MET: variants seen among roughly 807,000 people sequenced by gnomAD.
The protein encoded by MET is hepatocyte growth factor receptor.
A neutral mutation model predicts 133.1 loss-of-function variants in MET; 48 were observed. That is an observed-to-expected ratio of 0.36 (90% CI 0.29 to 0.46). The LOEUF is 0.46. MET is among the 20% of genes least tolerant of loss of function. MET has a pLI of 1.00. For synonymous variants in MET, 628 were observed against 616.5 expected, an observed-to-expected ratio of 1.02 and a Z score of -0.28; for missense variants, 1,442 against 1,695.9, an observed-to-expected ratio of 0.85 and a Z score of 2.63.
At chr7:116,771,736 G>A (rs2116994231) in intron 13 of MET, 82 bp downstream of exon 13, 2 of 1,607,986 alleles carry the variant, frequency 1.2e-6, no homozygotes, top group South Asian at 2.2e-5. Context: ...CGATTCTTGT[G>A]TGCTGTCTTA....
intron 2 of MET, among the ~76,000 whole-genome samples, chr7:116,707,021 T>G (rs928284514): frequency 6.6e-6 from 1 of 152,056 alleles, no homozygotes; most frequent in African/African-American, 2.4e-5. Flanking sequence ...GTGAATTACT[T>G]GCTGAGCCAT....
At position 116,679,326 on chromosome 7, in the gene MET, C is replaced by T. The variant is rs544137936; in HGVS notation, c.-15+6749C>T. 1.6e-4 allele frequency among the ~76,000 whole-genome samples: 25 copies of T among 152,134 alleles called. 1 individual carries two copies. The highest frequency in any genetic ancestry group is 2.1e-4 in the South Asian group (1 of 4,822). On this transcript the variant is annotated intron_variant, in intron 1 of 20. Transcript: ENST00000397752. ...TCTATTCTAAGTCAGTGACCTTGTT[C>T]GACAAATTTTTAAAATAAGCCATCT... is the stretch of plus-strand genomic sequence containing the variant.
At chr7:116,759,027 T>A (rs2116934961) in intron 9 of MET, among the ~76,000 whole-genome samples, 1 of 152,330 alleles carries the variant, frequency 6.6e-6, no homozygotes, top group African/African-American at 2.4e-5. Context: ...TATGCCAGAC[T>A]CTCTTTGAAT....
chr7:116,681,510 A>G (rs755336603), intron 1 of MET, among the ~76,000 whole-genome samples: 1 of 152,144 alleles, frequency 6.6e-6, no homozygotes, highest in Non-Finnish European at 1.5e-5. Context: ...CCTTGAAACC[A>G]TTTCTTTGGT....
At chr7:116,725,132 A>G (rs1172120822) in intron 2 of MET, among the ~76,000 whole-genome samples, 1 of 152,290 alleles carries the variant, frequency 6.6e-6, no homozygotes, top group East Asian at 1.9e-4. Flanking sequence ...GGAATATAGG[A>G]TTCAAAATCA....
intron 5 of MET, among the ~76,000 whole-genome samples, chr7:116,754,951 GAGAA>G (rs1167231127): frequency 1.8e-5 from 2 of 110,514 alleles, no homozygotes; most frequent in South Asian, 2.9e-4. Context: ...AAGAAAGAAA[GAGAA>G]AGAAAGAGAA....
chr7:116,673,454 G>A (rs890222039), intron 1 of MET, among the ~76,000 whole-genome samples: 2 of 152,178 alleles, frequency 1.3e-5, no homozygotes, highest in African/African-American at 2.4e-5. Context: ...GCTATGTTAA[G>A]ATGGTCCATG....
chr7:116,768,941 A>C (rs1794732438), intron 11 of MET, among the ~76,000 whole-genome samples: 2 of 152,190 alleles, frequency 1.3e-5, no homozygotes, highest in South Asian at 4.1e-4. Flanking sequence ...ATTTTTAAAA[A>C]ATTTTTGTGT....
intron 2 of MET, among the ~76,000 whole-genome samples, chr7:116,706,548 C>T (rs971645196): frequency 2.0e-5 from 3 of 151,982 alleles, no homozygotes; most frequent in Non-Finnish European, 2.9e-5. Flanking sequence ...ATTTTTACTC[C>T]GAATACTGTT....
intron 10 of MET, among the ~76,000 whole-genome samples, chr7:116,761,316 C>T (rs530502269): frequency 1.6e-4 from 24 of 152,058 alleles, no homozygotes; most frequent in Non-Finnish European, 3.4e-4. Context: ...ACATTAGAAT[C>T]GGACAAGAGT....
intron 19 of MET, among the ~76,000 whole-genome samples, chr7:116,791,457 G>C (rs1795490989): frequency 6.6e-6 from 1 of 152,020 alleles, no homozygotes; most frequent in South Asian, 2.1e-4. Flanking sequence ...TAGTGATGTC[G>C]AGCCTCTTTT....
intron 5 of MET, among the ~76,000 whole-genome samples, chr7:116,741,316 G>C (rs1423151923): frequency 6.6e-6 from 1 of 152,012 alleles, no homozygotes; most frequent in African/African-American, 2.4e-5. Flanking sequence ...CTCACCTTTA[G>C]TGCCGTGTGA....
chr7:116,703,328 T>G (rs1791650463), intron 2 of MET, among the ~76,000 whole-genome samples: 2 of 152,172 alleles, frequency 1.3e-5, no homozygotes, highest in Admixed American at 1.3e-4. Context: ...TACTATGAGA[T>G]TATACACCCA....
rs767232472 is a variant in MET, at chr7:116,757,514, C to G, written c.1940C>G (p.Thr647Arg). Residue 647 changes from threonine (T) to arginine (R), a missense_variant, in exon 7 of 21, where the codon ACA becomes AGA. Thr to Arg is a moderately conservative substitution (Grantham distance 71). Around this residue, in one of 6 missense-constraint regions of MET, gnomAD observed 514 missense variants for 659.6 expected, o/e 0.78. Coordinates refer to ENST00000397752, the MANE Select transcript of MET (RefSeq NM_000245.4). Reference protein sequence around the residue: ...SIIISNGHGTTQYSTFSYVDP... With the variant: ...SIIISNGHGTRQYSTFSYVDP... ...ATTATTTCAAATGGCCACGGGACAA[C>G]ACAATACAGTACATTCTCCTATGTG... The G allele has an allele frequency of 6.2e-7, 1 of 1,613,762 alleles. No individual in the cohort carries two copies. The highest frequency in any genetic ancestry group is 1.1e-5 in the South Asian group (1 of 91,070).
intron 2 of MET, among the ~76,000 whole-genome samples, chr7:116,707,516 A>G (rs1219300147): frequency 6.6e-6 from 1 of 152,188 alleles, no homozygotes; most frequent in Non-Finnish European, 1.5e-5. Context: ...CTCAAAATAT[A>G]TAGTTATTCA....
At chr7:116,755,064 C>T (rs1191690392) in intron 5 of MET, among the ~76,000 whole-genome samples, 2 of 104,892 alleles carry the variant, frequency 1.9e-5, no homozygotes, top group Non-Finnish European at 4.3e-5. Flanking sequence ...AACGGAAGGA[C>T]TCGAAAAGCC....
At chr7:116,694,323 G>T (rs1292263943) in intron 1 of MET, among the ~76,000 whole-genome samples, 1 of 152,088 alleles carries the variant, frequency 6.6e-6, no homozygotes, top group Admixed American at 6.6e-5. Flanking sequence ...AATTTCTGTT[G>T]CTGACAATAG....
chr7:116,703,693 A>G (rs891088493), intron 2 of MET, among the ~76,000 whole-genome samples: 1 of 152,078 alleles, frequency 6.6e-6, no homozygotes. Context: ...CAATTTCAGG[A>G]AAAAAAGGAG....
chr7:116,750,810 A>G (rs1375097448), intron 5 of MET, among the ~76,000 whole-genome samples: 4 of 152,216 alleles, frequency 2.6e-5, no homozygotes, highest in South Asian at 4.1e-4. Flanking sequence ...GCCAAAAAAC[A>G]TATGAAAAAA....
Sources: allele counts gnomAD v4.1 joint callset (sites outside exome capture counted in the v4.1 genomes callset), GRCh38; gene constraint gnomAD v4.1.1; regional missense constraint gnomAD v4.1.1; transcripts MANE v1.5; gene names NCBI Gene and HGNC (gene_info 2026-07-23, HGNC 2026-07-21).